Variants in MTA3 observed in about 807,000 individuals in gnomAD.
The protein encoded by MTA3 is metastasis associated 1 family member 3.
Under a neutral mutation model 83.5 loss-of-function variants are expected in MTA3, and 34 were observed. The ratio of observed to expected loss-of-function variants is 0.41; its 90% CI spans 0.31 to 0.54. The LOEUF is 0.54. Among genes scored for constraint, MTA3 ranks in the 20% least tolerant of loss-of-function variants. MTA3 has a pLI of 0.33. For missense variants in MTA3, 761 were observed against 726.4 expected, an observed-to-expected ratio of 1.05 and a Z score of -0.55; for synonymous variants, 303 against 252.7, an observed-to-expected ratio of 1.20 and a Z score of -1.89.
At chr2:42,495,795 T>A (rs1286664619) in intron 2 of MTA3, among the ~76,000 whole-genome samples, 1 of 152,166 alleles carries the variant, frequency 6.6e-6, no homozygotes, top group East Asian at 1.9e-4. Flanking sequence ...TTTGGGTCAT[T>A]CTAAGGAGAA....
chr2:42,742,447 T>C (rs1669105863), intron 16 of MTA3, among the ~76,000 whole-genome samples: 1 of 152,270 alleles, frequency 6.6e-6, no homozygotes, highest in African/African-American at 2.4e-5. Context: ...CACTTTTTAA[T>C]AAAACCCCTT....
chr2:42,533,982 G>A (rs1420487490), intron 2 of MTA3, among the ~76,000 whole-genome samples: 2 of 152,112 alleles, frequency 1.3e-5, no homozygotes, highest in South Asian at 2.1e-4. Context: ...GGGCATGGTG[G>A]TTTAGACTCT....
intron 4 of MTA3, among the ~76,000 whole-genome samples, chr2:42,622,847 C>G (rs1338377726): frequency 1.3e-5 from 2 of 151,984 alleles, no homozygotes; most frequent in Admixed American, 1.3e-4. Flanking sequence ...CAAAGTCAGT[C>G]TTGACAAACA....
At chr2:42,574,560 C>G (rs549563409) in intron 2 of MTA3, among the ~76,000 whole-genome samples, 1 of 152,184 alleles carries the variant, frequency 6.6e-6, no homozygotes, top group Non-Finnish European at 1.5e-5. Flanking sequence ...CCTCAGCCTC[C>G]CAATTAGCTG....
intron 2 of MTA3, among the ~76,000 whole-genome samples, chr2:42,513,536 C>T (rs1221831138): frequency 6.6e-6 from 1 of 152,160 alleles, no homozygotes; most frequent in East Asian, 1.9e-4. Context: ...AGTGAGGCCA[C>T]ATCTAAACCT....
At chr2:42,522,973 C>A (rs1675492986) in intron 2 of MTA3, among the ~76,000 whole-genome samples, 1 of 151,820 alleles carries the variant, frequency 6.6e-6, no homozygotes, top group Non-Finnish European at 1.5e-5. Context: ...CCACACCCAG[C>A]TAATTTTTTT....
chr2:42,707,338 C>A (rs1666188892), intron 12 of MTA3, among the ~76,000 whole-genome samples: 1 of 151,868 alleles, frequency 6.6e-6, no homozygotes. Flanking sequence ...CTGCCTCCCA[C>A]ATTCAAGCAA....
At chr2:42,669,685 A>G (rs534423420) in intron 8 of MTA3, among the ~76,000 whole-genome samples, 1 of 152,286 alleles carries the variant, frequency 6.6e-6, no homozygotes, top group East Asian at 1.9e-4. Flanking sequence ...GAGTGTGGAG[A>G]CGCTGCAGAC....
At chr2:42,652,232 G>A (rs971293412) in intron 6 of MTA3, among the ~76,000 whole-genome samples, 1 of 152,192 alleles carries the variant, frequency 6.6e-6, no homozygotes, top group Non-Finnish European at 1.5e-5. Context: ...AGCTTGGGAT[G>A]AAGTGTCTAT....
intron 4 of MTA3, chr2:42,613,686 C>T (rs1684497632): frequency 6.6e-6 from 1 of 152,134 alleles, no homozygotes; most frequent in Non-Finnish European, 1.5e-5. Context: ...TAGAAGAAAA[C>T]CTGACTGAGG....
intron 9 of MTA3, among the ~76,000 whole-genome samples, chr2:42,690,357 C>G (rs1184399906): frequency 6.6e-6 from 1 of 152,052 alleles, no homozygotes; most frequent in African/African-American, 2.4e-5. Context: ...GTAAAGCTGT[C>G]TCTTTATCTG....
At chr2:42,711,944 A>T (rs1666656818) in intron 14 of MTA3, among the ~76,000 whole-genome samples, 1 of 152,120 alleles carries the variant, frequency 6.6e-6, no homozygotes, top group Non-Finnish European at 1.5e-5. Context: ...TTATTCTCAA[A>T]ATATTGATGG....
rs1675211867 is a variant in MTA3 at position 42,517,693 on chromosome 2, C to T, written c.-141+22439C>T. Among the ~76,000 whole-genome samples the T allele has an allele frequency of 2.0e-5, 3 of 151,206 alleles. No individual in the cohort carries two copies. The South Asian group carries it at 6.2e-4, about 31-fold the overall frequency. On this transcript the variant is annotated intron_variant, in intron 2 of 17. Coordinates refer to the MTA3 transcript ENST00000405592. Reference sequence around the variant, plus strand: ...AAGAGTTCGAGACCAGCTTGGCCAACATGGGGAAACCCTGTCTCTACTAAA... The same window carrying T: ...AAGAGTTCGAGACCAGCTTGGCCAATATGGGGAAACCCTGTCTCTACTAAA...
intron 2 of MTA3, among the ~76,000 whole-genome samples, chr2:42,524,308 T>A (rs1359948859): frequency 2.5e-3 from 379 of 150,522 alleles, no homozygotes; most frequent in African/African-American, 7.7e-3. Flanking sequence ...ATTATTATTT[T>A]TTTTTTTTTT....
chr2:42,574,134 C>CTT (rs763023060), intron 2 of MTA3, among the ~76,000 whole-genome samples: 64 of 138,034 alleles, frequency 4.6e-4, no homozygotes, highest in Non-Finnish European at 5.7e-4. Flanking sequence ...CCGCGCCCGG[C>CTT]TTTTTTTTTT....
intron 8 of MTA3, among the ~76,000 whole-genome samples, chr2:42,667,488 C>T (rs1466791232): frequency 2.6e-5 from 4 of 151,196 alleles, no homozygotes; most frequent in African/African-American, 7.3e-5. Flanking sequence ...ATAAGTTTTT[C>T]GTTACTGGCT....
At chr2:42,503,893 A>G (rs1353558858) in intron 2 of MTA3, among the ~76,000 whole-genome samples, 1 of 146,904 alleles carries the variant, frequency 6.8e-6, no homozygotes. Flanking sequence ...AACTGCCCTC[A>G]GACCCATCCA....
rs1360689739 is a variant in MTA3 at position 42,659,839 on chromosome 2, G to C, written c.679G>C (p.Ala227Pro). 3.1e-6 allele frequency: 5 copies of C among 1,605,204 alleles called. No individual in the cohort carries two copies. Residue 227 changes from alanine (A) to proline (P), a missense_variant, in exon 8 of 17, where the codon GCA becomes CCA. Physicochemically the swap from Ala to Pro is conservative, Grantham distance 27. Transcript: ENST00000405094. ...GCCTAGTTTGCATATGAGTGCTGCT[G>C]CAGCTTCCCGAGACATCACCTTGGT... is the stretch of plus-strand genomic sequence containing the variant. ...RQPSLHMSAA[A>P]ASRDITLFHA...
intron 4 of MTA3, among the ~76,000 whole-genome samples, chr2:42,616,033 C>T (rs1481366197): frequency 2.6e-5 from 4 of 151,528 alleles, no homozygotes; most frequent in Non-Finnish European, 5.9e-5. Context: ...CAGGCGTGAG[C>T]CACCGAGACT....
Sources: allele counts gnomAD v4.1 joint callset (sites outside exome capture counted in the v4.1 genomes callset), GRCh38; gene constraint gnomAD v4.1.1; transcripts MANE v1.5; gene names NCBI Gene and HGNC (gene_info 2026-07-23, HGNC 2026-07-21).